The following SLC30A8 variants were observed in gnomAD, a reference collection of about 807,000 sequenced individuals.
SLC30A8 encodes solute carrier family 30 member 8.
A neutral mutation model predicts 36.9 loss-of-function variants in SLC30A8; 27 were observed. The ratio of observed to expected loss-of-function variants is 0.73; its 90% CI spans 0.54 to 1.01. The LOEUF (loss-of-function observed/expected upper bound fraction) is 1.01, where lower values mean the gene tolerates loss of function less well. Among genes scored for constraint, SLC30A8 ranks in the 50% least tolerant of loss-of-function variants. SLC30A8 has a pLI of 0.00. For synonymous variants in SLC30A8, 164 were observed against 172.4 expected (o/e 0.95, Z 0.38); for missense variants, 439 against 452.0 (o/e 0.97, Z 0.26).
At chr8:117,115,760 T>C (rs1174820395) in intron 2 of SLC30A8, among the ~76,000 whole-genome samples, 2 of 151,950 alleles carry the variant, frequency 1.3e-5, no homozygotes, top group Non-Finnish European at 2.9e-5. Flanking sequence ...AGGGAAGGGC[T>C]CATTGAGGCT....
rs1044393188 is a variant in SLC30A8, at chr8:117,060,563, C to G, written c.-226+21305C>G. Among the ~76,000 whole-genome samples the G allele has an allele frequency of 9.2e-5, 14 of 152,214 alleles. No homozygotes were observed. In the South Asian group the frequency reaches 1.7e-3, roughly 18 times the overall value. On this transcript the variant is annotated intron_variant, in intron 2 of 10. Coordinates refer to the SLC30A8 transcript ENST00000427715. The stretch of plus-strand genomic sequence containing the variant: ...ATTGCAATAAAAATTTTATTACCTG[C>G]TAGCTTATCAGTGTTCCAGAGAGAA...
intron 1 of SLC30A8, among the ~76,000 whole-genome samples, chr8:116,990,861 T>G (rs193191892): frequency 6.6e-6 from 1 of 152,332 alleles, no homozygotes; most frequent in Non-Finnish European, 1.5e-5. Context: ...ATTTAAAGTT[T>G]ATCTAAAAAA....
intron 2 of SLC30A8, among the ~76,000 whole-genome samples, chr8:117,080,020 A>G (rs1014520552): frequency 3.9e-5 from 6 of 152,186 alleles, no homozygotes; most frequent in African/African-American, 1.4e-4. Flanking sequence ...TTACATCACT[A>G]TCTTCATTTT....
intron 1 of SLC30A8, among the ~76,000 whole-genome samples, chr8:117,139,439 C>A (rs530930513): frequency 2.0e-5 from 3 of 152,062 alleles, no homozygotes; most frequent in Non-Finnish European, 4.4e-5. Flanking sequence ...AAAGAGAACC[C>A]TCACCAGTGA....
At chr8:117,071,068 G>T (rs1818316257) in intron 2 of SLC30A8, among the ~76,000 whole-genome samples, 1 of 152,256 alleles carries the variant, frequency 6.6e-6, no homozygotes, top group South Asian at 2.1e-4. Flanking sequence ...ATTCTAAAAT[G>T]GAGTTACTGG....
intron 2 of SLC30A8, among the ~76,000 whole-genome samples, chr8:117,095,159 A>G (rs1259979874): frequency 6.6e-6 from 1 of 152,184 alleles, no homozygotes; most frequent in Non-Finnish European, 1.5e-5. Flanking sequence ...GCCTACTCCC[A>G]GCCCCCGTTG....
intron 2 of SLC30A8, among the ~76,000 whole-genome samples, chr8:117,062,084 G>A (rs1818036864): frequency 6.6e-6 from 1 of 152,168 alleles, no homozygotes; most frequent in African/African-American, 2.4e-5. Flanking sequence ...GCAGGGGATA[G>A]ACTTGGAAGA....
chr8:117,022,180 A>G (rs1005996837), intron 1 of SLC30A8, among the ~76,000 whole-genome samples: 2 of 145,900 alleles, frequency 1.4e-5, no homozygotes, highest in African/African-American at 5.2e-5. Flanking sequence ...GGCCTGGGCA[A>G]AAGAGCAAGA....
chr8:117,058,378 T>C (rs1336573233), intron 2 of SLC30A8, among the ~76,000 whole-genome samples: 1 of 152,238 alleles, frequency 6.6e-6, no homozygotes, highest in East Asian at 1.9e-4. Context: ...AAAAACTTTC[T>C]GGTTTAATGT....
intron 2 of SLC30A8, among the ~76,000 whole-genome samples, chr8:117,097,239 A>T (rs1819409740): frequency 6.7e-6 from 1 of 149,876 alleles, no homozygotes; most frequent in African/African-American, 2.5e-5. Context: ...CTCTACTAAA[A>T]ATACAAAAAA....
intron 1 of SLC30A8, among the ~76,000 whole-genome samples, chr8:116,981,193 A>G (rs1815244586): frequency 6.6e-6 from 1 of 152,158 alleles, no homozygotes. Context: ...GGCTGTGCTA[A>G]GCTGGGACTC....
chr8:117,031,413 T>C (rs1271743784), intron 1 of SLC30A8, among the ~76,000 whole-genome samples: 2 of 152,088 alleles, frequency 1.3e-5, no homozygotes, highest in African/African-American at 4.8e-5. Context: ...AGAAATGCCG[T>C]TCTAAAGTCT....
chr8:117,025,517 G>A (rs895720723), intron 1 of SLC30A8, among the ~76,000 whole-genome samples: 1 of 152,302 alleles, frequency 6.6e-6, no homozygotes, highest in Non-Finnish European at 1.5e-5. Context: ...GTGAATGAAT[G>A]ATTGAACTCC....
At chr8:117,041,917 C>T (rs1817400007) in intron 2 of SLC30A8, among the ~76,000 whole-genome samples, 1 of 152,024 alleles carries the variant, frequency 6.6e-6, no homozygotes, top group Non-Finnish European at 1.5e-5. Flanking sequence ...AAATATTGGC[C>T]AATGAAGGAA....
chr8:116,997,077 A>C (rs544658052), intron 1 of SLC30A8, among the ~76,000 whole-genome samples: 1 of 152,086 alleles, frequency 6.6e-6, no homozygotes, highest in African/African-American at 2.4e-5. Flanking sequence ...TCTGTCTCTA[A>C]GGAGCAGAAT....
intron 1 of SLC30A8, among the ~76,000 whole-genome samples, chr8:116,976,015 G>A (rs889462902): frequency 6.6e-6 from 1 of 152,172 alleles, no homozygotes; most frequent in Non-Finnish European, 1.5e-5. Flanking sequence ...AGCCAATAAG[G>A]AAGGGGAGAG....
intron 1 of SLC30A8, among the ~76,000 whole-genome samples, chr8:117,037,744 G>A (rs1817260347): frequency 6.6e-6 from 1 of 152,126 alleles, no homozygotes; most frequent in South Asian, 2.1e-4. Context: ...TGTCTAAATG[G>A]GATTCCCTGG....
At chr8:117,071,270 TA>T (rs1212263279) in intron 2 of SLC30A8, among the ~76,000 whole-genome samples, 1 of 152,208 alleles carries the variant, frequency 6.6e-6, no homozygotes, top group African/African-American at 2.4e-5. Context: ...TATCTTATTG[TA>T]CTTTTAATTT....
chr8:117,028,296 TA>T (rs1016559792), intron 1 of SLC30A8, among the ~76,000 whole-genome samples: 1 of 152,204 alleles, frequency 6.6e-6, no homozygotes, highest in Non-Finnish European at 1.5e-5. Context: ...AAATGCAGCA[TA>T]AAAGCTCAGA....
Sources: gnomAD v4.1 joint callset for allele counts (sites outside exome capture counted in the v4.1 genomes callset) on GRCh38, gnomAD v4.1.1 for gene constraint, MANE v1.5 for transcripts, NCBI Gene and HGNC (gene_info 2026-07-23, HGNC 2026-07-21) for gene names.